VIT: variants seen among roughly 807,000 people sequenced by gnomAD.
VIT encodes vitrin.
A neutral mutation model predicts 78.0 loss-of-function variants in VIT; 99 were observed. The observed-to-expected ratio is 1.27, with a 90% CI of 1.08 to 1.50. VIT has a LOEUF of 1.50. VIT is among the 40% of genes most tolerant of loss of function. The pLI, the probability that VIT is intolerant of heterozygous loss-of-function variation, is 0.00. For synonymous variants in VIT, 374 were observed against 334.3 expected (o/e 1.12, Z -1.29); for missense variants, 1,126 against 875.3 (o/e 1.29, Z -3.61).
chr2:36,728,886 T>C (rs943099481), intron 2 of VIT, among the ~76,000 whole-genome samples: 20 of 150,770 alleles, frequency 1.3e-4, no homozygotes, highest in African/African-American at 4.9e-4. Context: ...ACAGTGGTTA[T>C]AAAATCTACG....
At chr2:36,705,616 C>T (rs951542528) in intron 1 of VIT, among the ~76,000 whole-genome samples, 16 of 152,146 alleles carry the variant, frequency 1.1e-4, no homozygotes, top group African/African-American at 3.9e-4. Flanking sequence ...TAAACCCCAC[C>T]CAACTGCCCA....
intron 6 of VIT, among the ~76,000 whole-genome samples, chr2:36,762,774 C>A (rs1192325966): frequency 1.3e-5 from 2 of 152,026 alleles, no homozygotes; most frequent in African/African-American, 4.8e-5. Context: ...CTAGGATGAC[C>A]CCCAAAAGCA....
chr2:36,744,357 GC>G (rs368624516), intron 4 of VIT, among the ~76,000 whole-genome samples: 2 of 152,262 alleles, frequency 1.3e-5, no homozygotes, highest in East Asian at 3.9e-4. Flanking sequence ...CAATGGGATT[GC>G]TGGTCAAATG....
At chr2:36,750,382 AG>A (rs1668384240) in intron 4 of VIT, among the ~76,000 whole-genome samples, 1 of 152,146 alleles carries the variant, frequency 6.6e-6, no homozygotes, top group East Asian at 1.9e-4. Flanking sequence ...GCCTGTCTTA[AG>A]GTTGCTTGTA....
At chr2:36,742,157 G>C (rs1017867661) in intron 3 of VIT, among the ~76,000 whole-genome samples, 22 of 152,112 alleles carry the variant, frequency 1.4e-4, no homozygotes, top group African/African-American at 5.1e-4. Context: ...TGTCCTCTAG[G>C]GGACCTTGGA....
chr2:36,707,857 T>C (rs1434460170), intron 1 of VIT, among the ~76,000 whole-genome samples: 1 of 73,354 alleles, frequency 1.4e-5, no homozygotes, highest in African/African-American at 4.2e-5. Flanking sequence ...AGAATTTCTT[T>C]AGGAAAAAAA....
chr2:36,735,898 G>C (rs9308995), intron 3 of VIT, among the ~76,000 whole-genome samples: 53,751 of 152,028 alleles, frequency 0.35, 10,199 homozygotes, highest in Non-Finnish European at 0.43. Context: ...TTGAGAACCA[G>C]AGGTGGGAAA....
rs994865415 is a variant in VIT at position 36,788,529 on chromosome 2, A to C, written c.1058+1253A>C. Among the ~76,000 whole-genome samples the C allele has an allele frequency of 2.0e-5, 3 of 152,202 alleles. No individual in the cohort carries two copies. In the East Asian group the frequency reaches 5.8e-4, roughly 29 times the overall value. On this transcript the variant is annotated intron_variant, in intron 12 of 15. Coordinates refer to ENST00000379242, the MANE Select transcript of VIT (RefSeq NM_053276.4). ...ACACTCAATTAGATAAAAATAACCC[A>C]TTGCTGCAAATGTCACCTCTCAAGC... is the stretch of plus-strand genomic sequence containing the variant.
intron 1 of VIT, among the ~76,000 whole-genome samples, chr2:36,715,887 G>C (rs566484904): frequency 6.6e-6 from 1 of 152,248 alleles, no homozygotes; most frequent in East Asian, 1.9e-4. Flanking sequence ...TCTTTCAAGG[G>C]TGAGAATTGT....
At chr2:36,759,766 TG>T in intron 6 of VIT, 1 of 708,574 alleles carries the variant, frequency 1.4e-6, no homozygotes, top group African/African-American at 1.9e-5. Context: ...GTACTTAAGG[TG>T]AACACGGTTT....
rs370413721 is a variant in VIT, at chr2:36,767,107, A to G, written c.501A>G (p.Lys167=). Residue 167 remains lysine (K), a synonymous_variant, in exon 7 of 16, where the codon AAA becomes AAG. Coordinates refer to ENST00000379242, the MANE Select transcript of VIT (RefSeq NM_053276.4). ...ATTTTCTTACAGGTGAGACCACAAA[A>G]GCCTATCAGAGGCCACCTATTCCAG... The part of the protein sequence containing the change: ...SPAAQAGETT[K]AYQRPPIPGT... 2 of 1,599,924 alleles carry G rather than the reference A, an allele frequency of 1.3e-6. No homozygotes were observed. Among genetic ancestry groups the G allele is most frequent in the Non-Finnish European group, 1.7e-6 (2 of 1,173,616 alleles).
chr2:36,787,861 C>A (rs773043235), intron 12 of VIT: 1 of 455,504 alleles, frequency 2.2e-6, no homozygotes, highest in Non-Finnish European at 4.4e-6. Flanking sequence ...CGGCCCCCAT[C>A]AGTCAGCTGA....
At chr2:36,783,445 C>T (rs766877058) in intron 11 of VIT, 43 bp downstream of exon 11, 2 of 1,592,332 alleles carry the variant, frequency 1.3e-6, no homozygotes, top group Admixed American at 3.3e-5. Flanking sequence ...TCTTTGACAT[C>T]TGAACTGCTC....
chr2:36,768,261 A>G (rs1669554612), intron 7 of VIT, among the ~76,000 whole-genome samples: 1 of 152,102 alleles, frequency 6.6e-6, no homozygotes, highest in Non-Finnish European at 1.5e-5. Context: ...GTGAAACCCC[A>G]TCTGTACTAA....
chr2:36,765,447 G>GAGAGAGAGAGAGA (rs759255390), intron 6 of VIT, among the ~76,000 whole-genome samples: 31 of 148,760 alleles, frequency 2.1e-4, no homozygotes, highest in African/African-American at 4.9e-4. Context: ...GAGAGAGAGA[G>GAGAGAGAGAGAGA]GAAAAACTGC....
chr2:36,735,145 A>C lies in VIT; in HGVS notation c.118+5654A>C, dbSNP rs140174536. Among the ~76,000 whole-genome samples the C allele has an allele frequency of 3.3e-5, 5 of 152,260 alleles. No individual in the cohort carries two copies. In the East Asian group the frequency reaches 9.7e-4, roughly 29 times the overall value. ...CACTGCTCTCCAGCCGGGGCAACAG[A>C]GCGAGACTCTGTCTCAAAGAAAAAG... is the stretch of plus-strand genomic sequence containing the variant. On this transcript the variant is annotated intron_variant, in intron 3 of 15. Transcript: ENST00000379242.
intron 6 of VIT, among the ~76,000 whole-genome samples, chr2:36,764,327 G>A (rs1339534304): frequency 6.6e-6 from 1 of 152,156 alleles, no homozygotes; most frequent in African/African-American, 2.4e-5. Context: ...CTTTTCCCTA[G>A]ATGAAGTAGG....
chr2:36,774,665 C>T, intron 8 of VIT: 1 of 985,412 alleles, frequency 1.0e-6, no homozygotes, highest in Non-Finnish European at 1.2e-6. Context: ...CTATGAGCTT[C>T]ACAATTGCAC....
intron 4 of VIT, among the ~76,000 whole-genome samples, chr2:36,752,917 T>C (rs778291259): frequency 7.9e-5 from 12 of 152,232 alleles, no homozygotes; most frequent in African/African-American, 1.7e-4. Context: ...CATATGTTCA[T>C]TGCAGCACTA....
Sources: allele counts gnomAD v4.1 joint callset (sites outside exome capture counted in the v4.1 genomes callset), GRCh38; gene constraint gnomAD v4.1.1; transcripts MANE v1.5; gene names NCBI Gene and HGNC (gene_info 2026-07-23, HGNC 2026-07-21).